Variants in GALNT13 observed in about 807,000 individuals in gnomAD.
GALNT13 encodes the protein polypeptide N-acetylgalactosaminyltransferase 13, also known as UDP-GalNAc:polypeptide N-acetylgalactosaminyltransferase 13.
In GALNT13, 28 loss-of-function variants were observed where a neutral mutation model predicts 64.2. That is an observed-to-expected ratio of 0.44 (90% CI 0.32 to 0.60). The LOEUF is 0.60. Ranked by LOEUF, GALNT13 falls within the 20% of genes least tolerant of loss-of-function variation. The pLI is 0.05. For missense variants in GALNT13, 577 were observed against 669.8 expected (o/e 0.86, Z 1.53); for synonymous variants, 214 against 224.6 (o/e 0.95, Z 0.42).
the GALNT13 span, among the ~76,000 whole-genome samples, chr2:153,467,479 C>T: frequency 2.4e-4 from 37 of 152,170 alleles, no homozygotes; most frequent in South Asian, 7.7e-3. Flanking sequence ...AGCAGAATGG[C>T]AGAGAGGAAA....
At chr2:154,180,419 C>A (rs1188058411) in intron 4 of GALNT13, among the ~76,000 whole-genome samples, 1 of 151,354 alleles carries the variant, frequency 6.6e-6, no homozygotes, top group African/African-American at 2.4e-5. Flanking sequence ...GTTAAACAAA[C>A]CACTTATTTA....
the GALNT13 span, among the ~76,000 whole-genome samples, chr2:153,767,141 T>A: frequency 6.6e-6 from 1 of 152,138 alleles, no homozygotes; most frequent in Non-Finnish European, 1.5e-5. Flanking sequence ...TTTCTAACTA[T>A]TTATCTATCT....
chr2:154,447,537 C>A (rs1311351513), intron 12 of GALNT13, among the ~76,000 whole-genome samples: 1 of 151,756 alleles, frequency 6.6e-6, no homozygotes, highest in African/African-American at 2.4e-5. Flanking sequence ...AGTGTATTAT[C>A]CAATAATTAA....
the GALNT13 span, among the ~76,000 whole-genome samples, chr2:153,366,427 T>C: frequency 6.6e-6 from 1 of 151,752 alleles, no homozygotes; most frequent in Non-Finnish European, 1.5e-5. Flanking sequence ...ATTAAAACAT[T>C]TTTAAAAAAG....
chr2:153,431,846 T>C, the GALNT13 span, among the ~76,000 whole-genome samples: 1 of 152,234 alleles, frequency 6.6e-6, no homozygotes, highest in African/African-American at 2.4e-5. Flanking sequence ...CAACAATCAG[T>C]GAAGACAGTT....
In GALNT13 at chr2:153,988,970, A is replaced by G. The variant is rs761028114; in HGVS notation, c.142+44331A>G. On this transcript the variant is annotated intron_variant, in intron 3 of 12. Coordinates refer to ENST00000392825, the MANE Select transcript of GALNT13 (RefSeq NM_052917.4). The stretch of plus-strand genomic sequence containing the variant: ...TTAAATTGAACCTTAAAAGTGGGAT[A>G]ATTTATGTCAAATTTTGTTAATCTC... Among the ~76,000 whole-genome samples the G allele has an allele frequency of 9.9e-5, 15 of 152,010 alleles. 1 individual carries two copies. Among genetic ancestry groups the G allele is most frequent in the African/African-American group, 3.4e-4 (14 of 41,536 alleles).
At chr2:153,250,768 A>G in the GALNT13 span, among the ~76,000 whole-genome samples, 54 of 152,256 alleles carry the variant, frequency 3.5e-4, no homozygotes, top group African/African-American at 1.3e-3. Flanking sequence ...TTCTTAGCTA[A>G]CTATCACAAG....
chr2:153,739,861 G>A, the GALNT13 span, among the ~76,000 whole-genome samples: 3 of 151,422 alleles, frequency 2.0e-5, no homozygotes, highest in African/African-American at 7.3e-5. Flanking sequence ...TTGGTTATAG[G>A]TTTAGGCTAG....
At chr2:153,509,614 C>G in the GALNT13 span, among the ~76,000 whole-genome samples, 1 of 152,194 alleles carries the variant, frequency 6.6e-6, no homozygotes. Flanking sequence ...CATTGAATTG[C>G]TTCTATATAG....
At chr2:154,057,573 C>A (rs2105359720) in intron 3 of GALNT13, among the ~76,000 whole-genome samples, 1 of 152,188 alleles carries the variant, frequency 6.6e-6, no homozygotes, top group African/African-American at 2.4e-5. Context: ...ACAGATAACC[C>A]AAATCAACTG....
At chr2:153,414,879 G>A in the GALNT13 span, among the ~76,000 whole-genome samples, 1 of 152,064 alleles carries the variant, frequency 6.6e-6, no homozygotes, top group Non-Finnish European at 1.5e-5. Context: ...ACAAATAAAA[G>A]TCTATTTTAA....
At chr2:153,574,563 A>T in the GALNT13 span, among the ~76,000 whole-genome samples, 1 of 151,912 alleles carries the variant, frequency 6.6e-6, no homozygotes, top group African/African-American at 2.4e-5. Flanking sequence ...TTAACCTCCT[A>T]TGTGTATTTG....
intron 3 of GALNT13, among the ~76,000 whole-genome samples, chr2:153,991,305 G>A (rs1250888204): frequency 6.6e-6 from 1 of 152,162 alleles, no homozygotes; most frequent in Admixed American, 6.6e-5. Context: ...CAAATCGAAG[G>A]ATTGAGGATT....
At chr2:154,076,556 G>T (rs1028070331) in intron 3 of GALNT13, among the ~76,000 whole-genome samples, 1 of 151,626 alleles carries the variant, frequency 6.6e-6, no homozygotes, top group African/African-American at 2.4e-5. Flanking sequence ...CTGGTCCAAT[G>T]ATAGAAGATA....
intron 8 of GALNT13, among the ~76,000 whole-genome samples, chr2:154,272,375 CAGTACATTA>C (rs995929835): frequency 4.6e-5 from 7 of 151,974 alleles, no homozygotes; most frequent in African/African-American, 1.7e-4. Flanking sequence ...TAGTGAATTT[CAGTACATTA>C]AGTAACCAAC....
the GALNT13 span, among the ~76,000 whole-genome samples, chr2:153,657,920 T>C: frequency 3.9e-5 from 6 of 152,120 alleles, no homozygotes; most frequent in South Asian, 8.3e-4. Context: ...CATTCTTCAA[T>C]TGATGTAGAA....
chr2:153,872,501 C>G (rs1686021904), intron 1 of GALNT13, among the ~76,000 whole-genome samples, 198 bp downstream of exon 1: 1 of 151,920 alleles, frequency 6.6e-6, no homozygotes, highest in Admixed American at 6.5e-5. Context: ...CCCGGGAGCT[C>G]CGAGTGCGCT....
Position 153,973,520 on chromosome 2 carries a change from C to A in GALNT13, c.142+28881C>A, listed in dbSNP as rs148331453. 9.2e-5 allele frequency among the ~76,000 whole-genome samples: 14 copies of A among 152,038 alleles called. No homozygotes were observed. In the East Asian group the frequency reaches 1.9e-3, roughly 21 times the overall value. On this transcript the variant is annotated intron_variant, in intron 3 of 12. Coordinates refer to ENST00000392825, the MANE Select transcript of GALNT13 (RefSeq NM_052917.4). ...ATTTCTCTTCTCAACTCATATAGTA[C>A]CTTATCTAAACTTCTCCCATTATAA... is the stretch of plus-strand genomic sequence containing the variant.
At chr2:153,210,137 T>C in the GALNT13 span, among the ~76,000 whole-genome samples, 1 of 152,148 alleles carries the variant, frequency 6.6e-6, no homozygotes, top group South Asian at 2.1e-4. Context: ...GAGACAGTTT[T>C]CTTTCTTCCT....
Sources: allele counts gnomAD v4.1 joint callset (sites outside exome capture counted in the v4.1 genomes callset), GRCh38; gene constraint gnomAD v4.1.1; transcripts MANE v1.5; gene names NCBI Gene and HGNC (gene_info 2026-07-23, HGNC 2026-07-21).